INTS6: variants seen among roughly 807,000 people sequenced by gnomAD.
INTS6 encodes DEAD box protein.
In INTS6, 16 loss-of-function variants were observed where a neutral mutation model predicts 104.9. That is an observed-to-expected ratio of 0.15 (90% CI 0.10 to 0.23). The LOEUF (loss-of-function observed/expected upper bound fraction) is 0.23. INTS6 is among the 10% of genes least tolerant of loss of function. The probability of loss-of-function intolerance (pLI) is 1.00; values close to 1 mark genes in which losing one functional copy is unlikely to be tolerated. For synonymous variants in INTS6, 324 were observed against 358.7 expected (o/e 0.90, Z 1.09); for missense variants, 584 against 1,062.8 (o/e 0.55, Z 6.26).
chr13:51,438,343 C>T (rs961382266), intron 3 of INTS6: 4 of 150,676 alleles, frequency 2.7e-5, no homozygotes, highest in Non-Finnish European at 4.4e-5. Flanking sequence ...ATACTTGTGC[C>T]TATCATTAAA....
At chr13:51,344,812 C>T in the INTS6 span, among the ~76,000 whole-genome samples, 1 of 152,284 alleles carries the variant, frequency 6.6e-6, no homozygotes, top group Middle Eastern at 3.4e-3. Flanking sequence ...TGCAACTGTC[C>T]CCCGACTGAG....
chr13:51,337,552 A>ATTTTAAGAGACCTCATCCCTTGGCTT, the INTS6 span, among the ~76,000 whole-genome samples: 6 of 152,170 alleles, frequency 3.9e-5, no homozygotes, highest in African/African-American at 1.4e-4. Context: ...TTGGCTCCTG[A>ATTTTAAGAGACCTCATCCCTTGGCTT]CAGCACCAAG....
chr13:51,361,426 A>T, downstream of INTS6: 1 of 1,008,586 alleles, frequency 9.9e-7, no homozygotes, highest in South Asian at 1.4e-5. Context: ...AAATTTACCT[A>T]GTTGAATCTT....
At chr13:51,395,632 A>G in intron 4 of INTS6, 149 bp from the exon 5 acceptor site, 1 of 654,040 alleles carries the variant, frequency 1.5e-6, no homozygotes, top group Non-Finnish European at 2.5e-6. Context: ...GTTCAGACAT[A>G]GCTAAAACAG....
downstream of INTS6, among the ~76,000 whole-genome samples, chr13:51,352,910 G>A (rs527468832): frequency 5.3e-5 from 8 of 152,082 alleles, no homozygotes; most frequent in African/African-American, 1.9e-4. Flanking sequence ...ATATTAATTG[G>A]TTTTCATATG....
the INTS6 span, among the ~76,000 whole-genome samples, chr13:51,343,747 G>A: frequency 9.9e-5 from 15 of 152,282 alleles, no homozygotes; most frequent in South Asian, 2.1e-4. Context: ...CTCATGACAC[G>A]CAGTTGTGGG....
downstream of INTS6, chr13:51,361,437 C>A: frequency 1.1e-6 from 1 of 924,722 alleles, no homozygotes; most frequent in Non-Finnish European, 1.7e-6. Context: ...GTTGAATCTT[C>A]ACACTTCTGA....
the INTS6 span, chr13:51,340,993 G>A: frequency 7.1e-7 from 1 of 1,399,020 alleles, no homozygotes; most frequent in Non-Finnish European, 9.8e-7. Context: ...ACAGAGCTGG[G>A]GGTCCCAGTC....
chr13:51,341,918 C>A, the INTS6 span, among the ~76,000 whole-genome samples: 1 of 152,160 alleles, frequency 6.6e-6, no homozygotes, highest in African/African-American at 2.4e-5. Context: ...TTTTGACCAA[C>A]CTGCTTTTAT....
chr13:51,367,864 C>T lies in INTS6; in HGVS notation c.2511G>A (p.Val837=), dbSNP rs1457768747. 6.3e-7 allele frequency: 1 copy of T among 1,591,576 alleles called. No homozygotes were observed. Among genetic ancestry groups the T allele is most frequent in the Non-Finnish European group, 8.5e-7 (1 of 1,170,818 alleles). The change falls in exon 17 of 18, where the codon GTG becomes GTA. Residue 837 remains valine, a synonymous_variant. Coordinates refer to ENST00000311234, the MANE Select transcript of INTS6 (RefSeq NM_012141.3). The part of the protein sequence containing the change: ...YERIFTLLKH[V]QGSLQTRLIF... ...TTAGTCTTGTTTGTAAACTGCCTTG[C>T]ACATGCTTCAGTAAAGTGAAGATTC...
intron 3 of INTS6, among the ~76,000 whole-genome samples, chr13:51,431,134 G>C (rs977475879): frequency 1.3e-5 from 2 of 152,094 alleles, no homozygotes; most frequent in Non-Finnish European, 2.9e-5. Flanking sequence ...ATGAGTTCTA[G>C]GCGACACATC....
chr13:51,351,715 G>A (rs1566193762), downstream of INTS6, among the ~76,000 whole-genome samples: 1 of 152,058 alleles, frequency 6.6e-6, no homozygotes, highest in Non-Finnish European at 1.5e-5. Context: ...CCACTGTCTA[G>A]TTAGGGTCAC....
chr13:51,361,365 G>T (rs1330934214), downstream of INTS6: 1 of 1,595,082 alleles, frequency 6.3e-7, no homozygotes, highest in Admixed American at 1.7e-5. Flanking sequence ...GGAGCCACAG[G>T]TATGTTCAGA....
At chr13:51,391,704 T>C (rs1475497724) in intron 5 of INTS6, among the ~76,000 whole-genome samples, 2 of 152,128 alleles carry the variant, frequency 1.3e-5, no homozygotes, top group African/African-American at 4.8e-5. Flanking sequence ...AAACTAAATA[T>C]AGTGAGTCTA....
the INTS6 span, chr13:51,339,644 C>T: frequency 6.6e-6 from 1 of 152,238 alleles, no homozygotes; most frequent in African/African-American, 2.4e-5. Flanking sequence ...TGATTCAAAG[C>T]AGATTCTGCT....
At chr13:51,344,049 TC>T in the INTS6 span, among the ~76,000 whole-genome samples, 1 of 152,226 alleles carries the variant, frequency 6.6e-6, no homozygotes, top group Admixed American at 6.5e-5. Context: ...CATGGTTTCT[TC>T]CCAACTTTTA....
chr13:51,413,794 A>G (rs1473679903), intron 4 of INTS6, among the ~76,000 whole-genome samples: 3 of 152,186 alleles, frequency 2.0e-5, no homozygotes, highest in Non-Finnish European at 4.4e-5. Flanking sequence ...GTCCTAATAC[A>G]TGGAACCTGA....
At chr13:51,433,129 A>T (rs1957126909) in intron 3 of INTS6, among the ~76,000 whole-genome samples, 1 of 152,222 alleles carries the variant, frequency 6.6e-6, no homozygotes, top group Non-Finnish European at 1.5e-5. Context: ...GGTCTTCTAT[A>T]TCACTTCTAC....
rs1956206911 is a variant in INTS6 at position 51,389,488 on chromosome 13, A to G, written c.614-44T>C. The G allele has an allele frequency of 5.9e-6, 9 of 1,514,852 alleles. No homozygotes were observed. In the East Asian group the frequency reaches 2.2e-4, roughly 37 times the overall value. 93.8% of individuals were successfully genotyped at this position (1,514,852 alleles called of 1,614,324 possible). A position where few individuals can be genotyped will look rare whatever the true frequency, so the allele number is the denominator to read the frequency against. On this transcript the variant is annotated intron_variant, in intron 5 of 17. Transcript: ENST00000311234. ...AGAAGAAGAAGAAGAAGAATATAGT[A>G]AACTAGTTAGTTGCAAGAATTCCTA...
Sources: allele counts gnomAD v4.1 joint callset (sites outside exome capture counted in the v4.1 genomes callset), GRCh38; gene constraint gnomAD v4.1.1; transcripts MANE v1.5; gene names NCBI Gene and HGNC (gene_info 2026-07-23, HGNC 2026-07-21).